Variants in GALNT13 observed in about 807,000 individuals in gnomAD.
GALNT13 encodes the protein UDP-GalNAc:polypeptide N-acetylgalactosaminyltransferase 13.
Under a neutral mutation model 64.2 loss-of-function variants are expected in GALNT13, and 28 were observed. The ratio of observed to expected loss-of-function variants is 0.44; its 90% CI spans 0.32 to 0.60. GALNT13 has a LOEUF of 0.60. Among genes scored for constraint, GALNT13 ranks in the 20% least tolerant of loss-of-function variants. The pLI is 0.05. For synonymous variants in GALNT13, 214 were observed against 224.6 expected, an observed-to-expected ratio of 0.95 and a Z score of 0.42; for missense variants, 577 against 669.8, an observed-to-expected ratio of 0.86 and a Z score of 1.53.
chr2:153,422,649 G>A, the GALNT13 span, among the ~76,000 whole-genome samples: 1 of 77,558 alleles, frequency 1.3e-5, no homozygotes, highest in Admixed American at 1.3e-4. Flanking sequence ...AGATTAATAA[G>A]AGAGAGAGGC....
chr2:153,860,539 A>G, the GALNT13 span, among the ~76,000 whole-genome samples: 1 of 152,192 alleles, frequency 6.6e-6, no homozygotes, highest in Non-Finnish European at 1.5e-5. Context: ...TTTACTATTT[A>G]GGACCAAATC....
At chr2:153,845,124 C>A in the GALNT13 span, among the ~76,000 whole-genome samples, 1 of 152,140 alleles carries the variant, frequency 6.6e-6, no homozygotes, top group African/African-American at 2.4e-5. Context: ...AAGTTGCTTC[C>A]ACATTTTCAG....
chr2:153,072,502 A>C, the GALNT13 span, among the ~76,000 whole-genome samples: 1 of 152,214 alleles, frequency 6.6e-6, no homozygotes, highest in African/African-American at 2.4e-5. Context: ...AAACTGAGTT[A>C]TAGGGAAGCG....
intron 9 of GALNT13, among the ~76,000 whole-genome samples, chr2:154,302,978 A>G (rs1693530255): frequency 1.3e-5 from 2 of 152,198 alleles, no homozygotes; most frequent in South Asian, 4.1e-4. Context: ...ATGTCTTTGC[A>G]GGGCCATTTC....
At chr2:153,311,358 A>G in the GALNT13 span, among the ~76,000 whole-genome samples, 1 of 152,204 alleles carries the variant, frequency 6.6e-6, no homozygotes, top group Admixed American at 6.5e-5. Flanking sequence ...ATATCCAAAT[A>G]TGAAGAAAGG....
chr2:153,834,119 G>C, the GALNT13 span, among the ~76,000 whole-genome samples: 4 of 152,050 alleles, frequency 2.6e-5, no homozygotes, highest in Non-Finnish European at 5.9e-5. Flanking sequence ...AAGGAAATTT[G>C]TACCACTTGT....
At chr2:153,328,625 C>T in the GALNT13 span, among the ~76,000 whole-genome samples, 5 of 152,122 alleles carry the variant, frequency 3.3e-5, no homozygotes, top group Non-Finnish European at 5.9e-5. Flanking sequence ...CCCGTCTACT[C>T]AAGCCTCAGT....
intron 9 of GALNT13, among the ~76,000 whole-genome samples, chr2:154,375,381 A>G (rs920631609): frequency 6.6e-6 from 1 of 152,156 alleles, no homozygotes; most frequent in African/African-American, 2.4e-5. Context: ...GAAACACAGT[A>G]AGTCTTCACT....
chr2:154,174,592 GT>G (rs1183112977), intron 4 of GALNT13, among the ~76,000 whole-genome samples: 1 of 152,114 alleles, frequency 6.6e-6, no homozygotes, highest in African/African-American at 2.4e-5. Context: ...GTCAAAGAAG[GT>G]TTTTAAGCAA....
chr2:154,127,240 C>A (rs1485580964), intron 3 of GALNT13, among the ~76,000 whole-genome samples: 1 of 152,022 alleles, frequency 6.6e-6, no homozygotes, highest in East Asian at 1.9e-4. Flanking sequence ...TAGTATTAAC[C>A]CATAATATAA....
the GALNT13 span, among the ~76,000 whole-genome samples, chr2:153,759,699 T>A: frequency 6.6e-6 from 1 of 152,284 alleles, no homozygotes; most frequent in African/African-American, 2.4e-5. Context: ...TTTAATACAC[T>A]GTTGATTAGA....
chr2:153,923,521 A>G (rs10171412), intron 2 of GALNT13, among the ~76,000 whole-genome samples: 30,780 of 151,826 alleles, frequency 0.2, 4,080 homozygotes, highest in Middle Eastern at 0.33. Flanking sequence ...TTTTTTTGTT[A>G]AATCTCAATC....
the GALNT13 span, among the ~76,000 whole-genome samples, chr2:153,453,251 A>C: frequency 6.6e-6 from 1 of 152,194 alleles, no homozygotes; most frequent in African/African-American, 2.4e-5. Flanking sequence ...ATCGCTACAA[A>C]AACAAAAATT....
chr2:153,326,232 T>C, the GALNT13 span, among the ~76,000 whole-genome samples: 1 of 152,160 alleles, frequency 6.6e-6, no homozygotes, highest in Non-Finnish European at 1.5e-5. Context: ...CATTATGTAA[T>C]GCCCTTCTTT....
chr2:153,636,969 T>A, the GALNT13 span, among the ~76,000 whole-genome samples: 1 of 152,060 alleles, frequency 6.6e-6, no homozygotes, highest in African/African-American at 2.4e-5. Context: ...ATAGTATGAA[T>A]TACAGTGATG....
the GALNT13 span, among the ~76,000 whole-genome samples, chr2:153,700,348 A>C: frequency 2.0e-5 from 3 of 152,186 alleles, no homozygotes; most frequent in African/African-American, 7.2e-5. Context: ...AACTCAAAAT[A>C]ATAACATCTG....
the GALNT13 span, among the ~76,000 whole-genome samples, chr2:153,852,342 T>G: frequency 6.6e-6 from 1 of 152,128 alleles, no homozygotes; most frequent in African/African-American, 2.4e-5. Flanking sequence ...TATATCAGGA[T>G]TAGATAAAGT....
At chr2:153,292,476 T>C in the GALNT13 span, among the ~76,000 whole-genome samples, 14 of 152,122 alleles carry the variant, frequency 9.2e-5, no homozygotes, top group Non-Finnish European at 1.8e-4. Context: ...TTCCAGCTAC[T>C]GTGGGAGAAC....
At chr2:153,193,330 G>A in the GALNT13 span, among the ~76,000 whole-genome samples, 2 of 151,248 alleles carry the variant, frequency 1.3e-5, no homozygotes, top group Non-Finnish European at 2.9e-5. Context: ...ATCATTCTCA[G>A]TAAACTATCG....
Sources: gnomAD v4.1 joint callset for allele counts (sites outside exome capture counted in the v4.1 genomes callset) on GRCh38, gnomAD v4.1.1 for gene constraint, MANE v1.5 for transcripts, NCBI Gene and HGNC (gene_info 2026-07-23, HGNC 2026-07-21) for gene names.